Variants in RBFOX1 observed in about 807,000 individuals in gnomAD.
RBFOX1 encodes the protein RNA binding protein fox-1 homolog 1.
In RBFOX1, 8 loss-of-function variants were observed where a neutral mutation model predicts 57.7. That is an observed-to-expected ratio of 0.14 (90% confidence interval 0.08 to 0.25). The LOEUF (loss-of-function observed/expected upper bound fraction) is 0.25, where lower values mean the gene tolerates loss of function less well. RBFOX1 is among the 10% of genes least tolerant of loss of function. The pLI is 1.00. For synonymous variants in RBFOX1, 326 were observed against 222.4 expected (o/e 1.47, Z -4.15); for missense variants, 611 against 548.5 (o/e 1.11, Z -1.14).
In RBFOX1 at chr16:6,637,142, T is replaced by C. The variant is rs1430896511; in HGVS notation, c.-63-17461T>C. On this transcript the variant is annotated intron_variant, in intron 2 of 15. Transcript: ENST00000550418. Reference sequence around the variant, plus strand: ...ATAAATTTATATTATATATTAAATATATAATATACAATATATATTATATAT... The same window carrying C: ...ATAAATTTATATTATATATTAAATACATAATATACAATATATATTATATAT... Among the ~76,000 whole-genome samples the C allele has an allele frequency of 5.2e-4, 49 of 94,404 alleles. 1 individual carries two copies. The highest frequency in any genetic ancestry group is 2.1e-3 in the African/African-American group (46 of 22,238). The allele number at this position is 94,404 out of a possible 152,430, so 61.9% of individuals were successfully genotyped here.
Position 6,805,791 on chromosome 16 carries a change from G to A in RBFOX1, c.-16+151141G>A, listed in dbSNP as rs564184693. 1.6e-4 allele frequency among the ~76,000 whole-genome samples: 25 copies of A among 152,250 alleles called. 1 individual carries two copies. In the South Asian group the frequency reaches 3.1e-3, roughly 19 times the overall value. On this transcript the variant is annotated intron_variant, in intron 3 of 15. Coordinates refer to ENST00000550418, the MANE Select transcript of RBFOX1 (RefSeq NM_018723.4). The stretch of plus-strand genomic sequence containing the variant: ...CTGAAGTGTAACACCCAAGCCATGT[G>A]GAGATTTTCACATCTTCGCTGCCCT...
intron 4 of RBFOX1, among the ~76,000 whole-genome samples, chr16:7,183,323 G>A (rs570626217): frequency 6.6e-6 from 1 of 152,166 alleles, no homozygotes; most frequent in Non-Finnish European, 1.5e-5. Flanking sequence ...GGTAGTGAGG[G>A]TAGGGGTTGA....
At chr16:7,003,728 T>A (rs2093043826) in intron 3 of RBFOX1, among the ~76,000 whole-genome samples, 1 of 152,062 alleles carries the variant, frequency 6.6e-6, no homozygotes, top group Non-Finnish European at 1.5e-5. Context: ...GTAATTAAGT[T>A]AGTATGTATT....
chr16:6,109,189 C>T (rs1458462305), intron 1 of RBFOX1, among the ~76,000 whole-genome samples: 1 of 152,138 alleles, frequency 6.6e-6, no homozygotes, highest in Non-Finnish European at 1.5e-5. Context: ...TCTGTGAGCT[C>T]ATTGCCCCCT....
At chr16:7,636,056 C>G (rs973150326) in intron 11 of RBFOX1, among the ~76,000 whole-genome samples, 4 of 152,368 alleles carry the variant, frequency 2.6e-5, no homozygotes. Context: ...GTGATCCACC[C>G]GCCTTGGCCG....
At chr16:5,958,971 A>G (rs2059699251) in intron 4 of RBFOX1, among the ~76,000 whole-genome samples, 1 of 152,208 alleles carries the variant, frequency 6.6e-6, no homozygotes, top group Admixed American at 6.5e-5. Context: ...CTTTTGCCAT[A>G]TAAAATGACA....
chr16:7,164,679 G>C (rs1045136070), intron 4 of RBFOX1, among the ~76,000 whole-genome samples: 1 of 152,092 alleles, frequency 6.6e-6, no homozygotes, highest in Non-Finnish European at 1.5e-5. Context: ...TTTCAAAATC[G>C]TGTGCACATC....
At chr16:5,303,077 G>T (rs149014592) in intron 1 of RBFOX1, among the ~76,000 whole-genome samples, 1,948 of 152,150 alleles carry the variant, frequency 0.013, 24 homozygotes, top group Non-Finnish European at 0.017. Context: ...CTTTTTTGGG[G>T]TGTTGCTTTG....
At chr16:5,974,073 G>A (rs929874218) in intron 4 of RBFOX1, among the ~76,000 whole-genome samples, 4 of 152,192 alleles carry the variant, frequency 2.6e-5, no homozygotes, top group Admixed American at 6.5e-5. Flanking sequence ...TAATGCATAT[G>A]AAATGCAATA....
At chr16:6,260,080 A>G (rs112691588) in intron 1 of RBFOX1, among the ~76,000 whole-genome samples, 22 of 152,144 alleles carry the variant, frequency 1.4e-4, no homozygotes, top group African/African-American at 5.3e-4. Context: ...TTCGAATTCT[A>G]GTAAATAGCC....
intron 11 of RBFOX1, among the ~76,000 whole-genome samples, chr16:7,646,956 T>C (rs796328426): frequency 7.9e-5 from 12 of 152,038 alleles, no homozygotes; most frequent in African/African-American, 2.9e-4. Context: ...GGCTTTGTTT[T>C]TGAGGGGGAG....
chr16:6,050,964 ACT>A (rs1434133759), intron 1 of RBFOX1, among the ~76,000 whole-genome samples: 1 of 145,144 alleles, frequency 6.9e-6, no homozygotes, highest in Non-Finnish European at 1.5e-5. Context: ...TTTTGACATG[ACT>A]CTGCTTGTCT....
chr16:6,104,128 T>C (rs1489928515), intron 1 of RBFOX1, among the ~76,000 whole-genome samples: 4 of 134,506 alleles, frequency 3.0e-5, no homozygotes, highest in Admixed American at 7.6e-5. Flanking sequence ...TTTCTCCCAG[T>C]TGAAACACAC....
At chr16:6,312,077 G>A (rs530784402) in intron 1 of RBFOX1, among the ~76,000 whole-genome samples, 3 of 152,276 alleles carry the variant, frequency 2.0e-5, no homozygotes, top group Admixed American at 1.3e-4. Context: ...TGCAGGGTGG[G>A]TACAAAATCC....
chr16:7,579,902 C>A lies in RBFOX1; in HGVS notation c.396C>A (p.Asp132Glu), dbSNP rs1242620682. The change falls in exon 6 of 16, where the codon GAC (aspartate) becomes GAA (glutamate). Residue 132 changes from aspartate to glutamate, a missense_variant. Transcript: ENST00000550418. ...TCCCCTTCAGGTTCCGGGATCCGGACCTCAGACAAATGTTTGGTGTAAGTA... is the reference window on the plus strand; with the variant it reads ...TCCCCTTCAGGTTCCGGGATCCGGAACTCAGACAAATGTTTGGTGTAAGTA... Reference protein sequence around the residue: ...SNIPFRFRDPDLRQMFGQFGK... With the variant: ...SNIPFRFRDPELRQMFGQFGK... 1.9e-6 allele frequency: 3 copies of A among 1,614,100 alleles called. No individual in the cohort carries two copies. The highest frequency in any genetic ancestry group is 2.5e-6 in the Non-Finnish European group (3 of 1,179,960).
intron 2 of RBFOX1, among the ~76,000 whole-genome samples, chr16:6,580,179 G>C (rs555567886): frequency 7.9e-5 from 12 of 152,028 alleles, no homozygotes; most frequent in Admixed American, 7.9e-4. Flanking sequence ...GGCTGGTCTC[G>C]AACTCCTGAC....
At chr16:5,332,107 C>G (rs1407445909) in intron 1 of RBFOX1, among the ~76,000 whole-genome samples, 1 of 152,144 alleles carries the variant, frequency 6.6e-6, no homozygotes, top group Non-Finnish European at 1.5e-5. Context: ...CTTCTTATGT[C>G]TTAGACTCTG....
chr16:6,616,249 C>A (rs1382834999), intron 2 of RBFOX1, among the ~76,000 whole-genome samples: 1 of 152,136 alleles, frequency 6.6e-6, no homozygotes, highest in Non-Finnish European at 1.5e-5. Flanking sequence ...ATTCTCCTGT[C>A]CTTTAAAAAT....
At chr16:6,657,207 C>A (rs1285768093) in intron 3 of RBFOX1, among the ~76,000 whole-genome samples, 1 of 151,728 alleles carries the variant, frequency 6.6e-6, no homozygotes, top group East Asian at 1.9e-4. Flanking sequence ...TTCTCGTCTT[C>A]CTTCCTCCCT....
Sources: allele counts gnomAD v4.1 joint callset (sites outside exome capture counted in the v4.1 genomes callset), GRCh38; gene constraint gnomAD v4.1.1; transcripts MANE v1.5; gene names NCBI Gene and HGNC (gene_info 2026-07-23, HGNC 2026-07-21).